The following PACSIN1 variants were observed in gnomAD, a reference collection of about 807,000 sequenced individuals.
PACSIN1 encodes the protein protein kinase C and casein kinase substrate in neurons protein 1.
In PACSIN1, 15 loss-of-function variants were observed where a neutral mutation model predicts 59.5. The ratio of observed to expected loss-of-function variants is 0.25; its 90% CI spans 0.17 to 0.39. The LOEUF (loss-of-function observed/expected upper bound fraction) is 0.39. PACSIN1 is among the 10% of genes least tolerant of loss of function. The probability of loss-of-function intolerance (pLI) is 1.00; values close to 1 mark genes in which losing one functional copy is unlikely to be tolerated. For missense variants in PACSIN1, 420 were observed against 580.2 expected, an observed-to-expected ratio of 0.72 and a Z score of 2.84; for synonymous variants, 210 against 220.6, an observed-to-expected ratio of 0.95 and a Z score of 0.42.
chr6:34,499,205 A>T lies in PACSIN1; in HGVS notation c.-63-27038A>T, dbSNP rs75606185. The stretch of plus-strand genomic sequence containing the variant: ...GATTCTCATAAGGAGTGTGCAACCT[A>T]GATCCCTCGCATTCACAAGTTCACA... On this transcript the variant is annotated intron_variant, in intron 1 of 9. Coordinates refer to ENST00000244458, the MANE Select transcript of PACSIN1 (RefSeq NM_020804.5). 3.7e-3 allele frequency among the ~76,000 whole-genome samples: 559 copies of T among 152,058 alleles called. 3 individuals carry two copies. Among genetic ancestry groups the T allele is most frequent in the African/African-American group, 0.012 (505 of 41,466 alleles).
At position 34,521,151 on chromosome 6, in the gene PACSIN1, G is replaced by A. The variant is rs574790757; in HGVS notation, c.-63-5092G>A. Among the ~76,000 whole-genome samples, 22 of 152,320 alleles carry A rather than the reference G, an allele frequency of 1.4e-4. No individual in the cohort carries two copies. The South Asian group carries it at 4.4e-3, about 30-fold the overall frequency. ...GACTGGACTAAGTGACATTCCTGTG[G>A]GAAGGAGGACACGCAACGTGATGAA... On this transcript the variant is annotated intron_variant, in intron 1 of 9. Transcript: ENST00000244458. The surrounding 1 kb of genome is among the most constrained non-coding windows in gnomAD (Gnocchi z 4.3).
At chr6:34,501,642 T>C (rs757876845) in intron 1 of PACSIN1, among the ~76,000 whole-genome samples, 2 of 152,200 alleles carry the variant, frequency 1.3e-5, no homozygotes, top group Non-Finnish European at 2.9e-5. Flanking sequence ...AAAGTCTCTT[T>C]GATGGTGGCG....
At chr6:34,519,074 T>G (rs965558035) in intron 1 of PACSIN1, among the ~76,000 whole-genome samples, 8 of 151,664 alleles carry the variant, frequency 5.3e-5, no homozygotes, top group Admixed American at 3.9e-4. Flanking sequence ...ACAGGGGTGG[T>G]GAAGGGTGAA....
At chr6:34,497,672 T>G (rs1205504909) in intron 1 of PACSIN1, among the ~76,000 whole-genome samples, 2 of 152,174 alleles carry the variant, frequency 1.3e-5, no homozygotes, top group Non-Finnish European at 2.9e-5. Context: ...CTCTGTGGTC[T>G]CTCTCGATCC....
At chr6:34,511,760 A>C (rs552002022) in intron 1 of PACSIN1, among the ~76,000 whole-genome samples, 1 of 152,204 alleles carries the variant, frequency 6.6e-6, no homozygotes, top group Non-Finnish European at 1.5e-5. Context: ...TATGCAGATG[A>C]GATGCAAAGC....
intron 1 of PACSIN1, among the ~76,000 whole-genome samples, chr6:34,496,407 T>A (rs1284500103): frequency 1.3e-5 from 2 of 152,142 alleles, no homozygotes; most frequent in Non-Finnish European, 1.5e-5. Context: ...GGCTGAGGTC[T>A]TCTGGGGTGA....
chr6:34,479,332 A>AACCC (rs1466294600), intron 1 of PACSIN1, among the ~76,000 whole-genome samples: 3 of 152,152 alleles, frequency 2.0e-5, no homozygotes, highest in Admixed American at 6.5e-5. Context: ...CCCCCACTGG[A>AACCC]ACCCACCATT....
Position 34,532,577 on chromosome 6 carries a change from C to G in PACSIN1, c.*47C>G. On this transcript the variant is annotated 3_prime_UTR_variant, in exon 10 of 10. Coordinates refer to ENST00000244458, the MANE Select transcript of PACSIN1 (RefSeq NM_020804.5). This position sits in a 1 kb window ranked among gnomAD's most constrained non-coding sequence, Gnocchi z 5.2. ...CCGTCACTCCTCCCCACTGCCGCCC[C>G]TCCCCTCCCACTCTCGTCTCCTTCC... is the stretch of plus-strand genomic sequence containing the variant. 3 of 1,045,562 alleles carry G rather than the reference C, an allele frequency of 2.9e-6. No homozygotes were observed. Among genetic ancestry groups the G allele is most frequent in the Non-Finnish European group, 4.3e-6 (3 of 700,466 alleles). The allele number at this position is 1,045,562 out of a possible 1,614,324, so 64.8% of individuals were successfully genotyped here. A position where few individuals can be genotyped will look rare whatever the true frequency, so the allele number is the denominator to read the frequency against.
chr6:34,512,496 C>T (rs913301295), intron 1 of PACSIN1, among the ~76,000 whole-genome samples: 1 of 152,168 alleles, frequency 6.6e-6, no homozygotes, highest in African/African-American at 2.4e-5. Flanking sequence ...CTCCCTGTCC[C>T]CCAGCTGAGG....
chr6:34,476,053 T>C (rs1187502396), intron 1 of PACSIN1, among the ~76,000 whole-genome samples: 1 of 152,202 alleles, frequency 6.6e-6, no homozygotes, highest in African/African-American at 2.4e-5. Context: ...TGCTGTGTGC[T>C]GAACTAGGCA....
intron 1 of PACSIN1, among the ~76,000 whole-genome samples, chr6:34,483,179 T>TA (rs1766745669): frequency 6.6e-6 from 1 of 152,054 alleles, no homozygotes; most frequent in Non-Finnish European, 1.5e-5. Context: ...TAATGTTTTG[T>TA]ATTTTTAGTA....
At chr6:34,471,359 G>T (rs1766569519) in intron 1 of PACSIN1, among the ~76,000 whole-genome samples, 2 of 152,198 alleles carry the variant, frequency 1.3e-5, no homozygotes, top group Admixed American at 1.3e-4. Context: ...ATAGATACTT[G>T]TTTGAAGTTG....
chr6:34,499,459 A>G (rs1766993408), intron 1 of PACSIN1, among the ~76,000 whole-genome samples: 1 of 151,572 alleles, frequency 6.6e-6, no homozygotes, highest in African/African-American at 2.4e-5. Context: ...TGAATCAAAG[A>G]CATAAATATA....
At chr6:34,466,816 G>A (rs1361143293) in intron 1 of PACSIN1, among the ~76,000 whole-genome samples, 1 of 152,172 alleles carries the variant, frequency 6.6e-6, no homozygotes, top group African/African-American at 2.4e-5. Flanking sequence ...AAAAGGCCCC[G>A]CAGATACAGA....
rs1409063449 is a variant in PACSIN1 at position 34,467,710 on chromosome 6, C to T, written c.-64+1440C>T. On this transcript the variant is annotated intron_variant, in intron 1 of 9. Transcript: ENST00000244458. Reference sequence around the variant, plus strand: ...AGTAGCTGGAATTACAGGCATGCACCACCACACCCGGCTAATTTTATATTT... The same window carrying T: ...AGTAGCTGGAATTACAGGCATGCACTACCACACCCGGCTAATTTTATATTT... Among the ~76,000 whole-genome samples the T allele has an allele frequency of 2.6e-5, 4 of 152,254 alleles. No individual in the cohort carries two copies. In the East Asian group the frequency reaches 5.8e-4, roughly 22 times the overall value.
rs1561972269 is a variant in PACSIN1 at position 34,530,640 on chromosome 6, G to A, written c.1037+53G>A. 2.7e-6 allele frequency: 4 copies of A among 1,479,926 alleles called. No individual in the cohort carries two copies. The highest frequency in any genetic ancestry group is 3.6e-6 in the Non-Finnish European group (4 of 1,113,278). The allele number at this position is 1,479,926 out of a possible 1,614,324, so 91.7% of individuals were successfully genotyped here. A position where few individuals can be genotyped will look rare whatever the true frequency, so the allele number is the denominator to read the frequency against. On this transcript the variant is annotated intron_variant, in intron 8 of 9. Transcript: ENST00000244458. This position sits in a 1 kb window ranked among gnomAD's most constrained non-coding sequence, Gnocchi z 4.4. Reference sequence around the variant, plus strand: ...GGCCAAGAGGGACCCACACTCTGGGGCAGCTGAGTTTTGCTTCAGAAGACA... The same window carrying A: ...GGCCAAGAGGGACCCACACTCTGGGACAGCTGAGTTTTGCTTCAGAAGACA...
Position 34,466,483 on chromosome 6 carries a change from G to A in PACSIN1, c.-64+213G>A, listed in dbSNP as rs969552471. Among the ~76,000 whole-genome samples, 19 of 152,306 alleles carry A rather than the reference G, an allele frequency of 1.2e-4. No homozygotes were observed. In the South Asian group the frequency reaches 3.9e-3, roughly 32 times the overall value. Reference sequence around the variant, plus strand: ...GGCATCACCCAGGCAGTGCCAGGATGCCACTGCGCTGGGTCCCTTGGGGGA... The same window carrying A: ...GGCATCACCCAGGCAGTGCCAGGATACCACTGCGCTGGGTCCCTTGGGGGA... On this transcript the variant is annotated intron_variant, in intron 1 of 9. Coordinates refer to ENST00000244458, the MANE Select transcript of PACSIN1 (RefSeq NM_020804.5).
chr6:34,509,295 T>G (rs976434883), intron 1 of PACSIN1, among the ~76,000 whole-genome samples: 1 of 152,220 alleles, frequency 6.6e-6, no homozygotes, highest in African/African-American at 2.4e-5. Context: ...TTCCCCACTG[T>G]GTATTCTTGG....
At chr6:34,526,179 G>A in intron 1 of PACSIN1, 64 bp from the exon 2 acceptor site, 1 of 738,344 alleles carries the variant, frequency 1.4e-6, no homozygotes, top group Non-Finnish European at 2.2e-6. Flanking sequence ...ACCCAGGCCT[G>A]GAATGGGGCA....
Sources: allele counts gnomAD v4.1 joint callset (sites outside exome capture counted in the v4.1 genomes callset), GRCh38; gene constraint gnomAD v4.1.1; non-coding constraint Gnocchi (gnomAD v3.1); transcripts MANE v1.5; gene names NCBI Gene and HGNC (gene_info 2026-07-23, HGNC 2026-07-21).